The following PAPPA variants were observed in gnomAD, a reference collection of about 807,000 sequenced individuals.
PAPPA encodes pappalysin 1.
A neutral mutation model predicts 164.0 loss-of-function variants in PAPPA; 60 were observed. The ratio of observed to expected loss-of-function variants is 0.37; its 90% confidence interval spans 0.30 to 0.45. The LOEUF (loss-of-function observed/expected upper bound fraction) is 0.45. Among genes scored for constraint, PAPPA ranks in the 20% least tolerant of loss-of-function variants. The pLI is 1.00. For missense variants in PAPPA, 1,782 were observed against 2,087.3 expected (o/e 0.85, Z 2.85); for synonymous variants, 875 against 814.1 (o/e 1.07, Z -1.27).
intron 21 of PAPPA, among the ~76,000 whole-genome samples, chr9:116,387,682 T>TTA (rs1846834143): frequency 6.6e-6 from 1 of 152,174 alleles, no homozygotes; most frequent in African/African-American, 2.4e-5. Context: ...GCCCTAGGCG[T>TTA]TATCTTTTTA....
At chr9:116,341,014 T>TA (rs1364747998) in intron 13 of PAPPA, among the ~76,000 whole-genome samples, 1 of 151,596 alleles carries the variant, frequency 6.6e-6, no homozygotes, top group Non-Finnish European at 1.5e-5. Flanking sequence ...TCTCTTTTTT[T>TA]ATTTTTATTT....
chr9:116,248,433 C>A (rs561822719), intron 7 of PAPPA, among the ~76,000 whole-genome samples: 1 of 152,280 alleles, frequency 6.6e-6, no homozygotes, highest in Non-Finnish European at 1.5e-5. Context: ...TAGCTCTCAC[C>A]TGCACTCAGT....
chr9:116,383,526 G>C (rs972731558), intron 21 of PAPPA, among the ~76,000 whole-genome samples: 9 of 127,174 alleles, frequency 7.1e-5, no homozygotes, highest in Non-Finnish European at 5.4e-5. Flanking sequence ...AGGTGACAAA[G>C]TGAATGATAG....
chr9:116,284,753 C>T (rs1845311856), intron 9 of PAPPA, among the ~76,000 whole-genome samples: 1 of 152,110 alleles, frequency 6.6e-6, no homozygotes, highest in Non-Finnish European at 1.5e-5. Context: ...ACATCCATAA[C>T]TCTTCCCTCT....
intron 10 of PAPPA, among the ~76,000 whole-genome samples, chr9:116,320,142 G>A (rs961321705): frequency 6.6e-6 from 1 of 152,152 alleles, no homozygotes; most frequent in Admixed American, 6.5e-5. Context: ...AGGGCAATAC[G>A]TCTTATATGA....
intron 10 of PAPPA, among the ~76,000 whole-genome samples, chr9:116,330,593 T>TTGTG (rs139019834): frequency 1.3e-5 from 2 of 150,310 alleles, no homozygotes; most frequent in East Asian, 1.9e-4. Flanking sequence ...GAGAATGAAT[T>TTGTG]TGTGTGTGTG....
intron 1 of PAPPA, among the ~76,000 whole-genome samples, chr9:116,166,449 T>C (rs755660023): frequency 1.3e-5 from 2 of 152,172 alleles, no homozygotes; most frequent in Non-Finnish European, 2.9e-5. Flanking sequence ...GTCCTGGCAG[T>C]CATATCTGTT....
chr9:116,229,611 A>G (rs982324817), intron 6 of PAPPA, among the ~76,000 whole-genome samples: 90 of 152,360 alleles, frequency 5.9e-4, no homozygotes, highest in Middle Eastern at 3.4e-3. Flanking sequence ...GATAATGGCC[A>G]GGTGAGGACG....
intron 21 of PAPPA, among the ~76,000 whole-genome samples, chr9:116,386,930 G>A (rs1846822260): frequency 2.0e-5 from 3 of 152,088 alleles, no homozygotes; most frequent in South Asian, 2.1e-4. Flanking sequence ...ATCTTCCACC[G>A]CAGGAAGCCT....
chr9:116,320,786 G>A (rs1282149395), intron 10 of PAPPA, among the ~76,000 whole-genome samples: 1 of 152,066 alleles, frequency 6.6e-6, no homozygotes, highest in Non-Finnish European at 1.5e-5. Context: ...GTTGTGTTGT[G>A]TATCTGTTAA....
At chr9:116,300,198 T>C (rs1043269299) in intron 9 of PAPPA, among the ~76,000 whole-genome samples, 1 of 152,228 alleles carries the variant, frequency 6.6e-6, no homozygotes, top group African/African-American at 2.4e-5. Flanking sequence ...TGGTCACTTA[T>C]AATGAATTGA....
intron 9 of PAPPA, chr9:116,288,731 T>A (rs1398123307): frequency 6.6e-6 from 1 of 152,134 alleles, no homozygotes; most frequent in African/African-American, 2.4e-5. Flanking sequence ...CTGCAGTGTG[T>A]CTCACCAGCT....
intron 9 of PAPPA, among the ~76,000 whole-genome samples, chr9:116,282,316 C>G (rs150252563): frequency 5.3e-5 from 8 of 152,146 alleles, no homozygotes; most frequent in African/African-American, 9.7e-5. Flanking sequence ...GAAAAAATGT[C>G]TATACATGTT....
chr9:116,361,807 C>G lies in PAPPA; in HGVS notation c.4348-785C>G, dbSNP rs76176638. Among the ~76,000 whole-genome samples the G allele has an allele frequency of 6.2e-4, 95 of 152,300 alleles. 1 individual carries two copies. In the East Asian group the frequency reaches 0.013, roughly 20 times the overall value. On this transcript the variant is annotated intron_variant, in intron 17 of 21. Coordinates refer to ENST00000328252, the MANE Select transcript of PAPPA (RefSeq NM_002581.5). Reference sequence around the variant, plus strand: ...CTTCTGCACCCCACAGAGCTGGGCACAGATTGGACACTAACGAATCTTACT... The same window carrying G: ...CTTCTGCACCCCACAGAGCTGGGCAGAGATTGGACACTAACGAATCTTACT...
chr9:116,303,774 G>C (rs1587995057), intron 10 of PAPPA, among the ~76,000 whole-genome samples: 1 of 152,100 alleles, frequency 6.6e-6, no homozygotes, highest in Non-Finnish European at 1.5e-5. Flanking sequence ...TCTTGATTTA[G>C]GTTTAGTCGG....
intron 1 of PAPPA, among the ~76,000 whole-genome samples, chr9:116,173,906 C>T (rs1235016142): frequency 6.6e-6 from 1 of 152,074 alleles, no homozygotes; most frequent in African/African-American, 2.4e-5. Context: ...AAAAGCAGCC[C>T]CTTGTCCTGG....
At chr9:116,357,875 A>C (rs1347127018) in intron 17 of PAPPA, among the ~76,000 whole-genome samples, 1 of 152,208 alleles carries the variant, frequency 6.6e-6, no homozygotes, top group Non-Finnish European at 1.5e-5. Context: ...GCAACTCAGC[A>C]GGAGCAAGAG....
At chr9:116,395,769 C>T (rs1846954445) in intron 21 of PAPPA, among the ~76,000 whole-genome samples, 1 of 152,186 alleles carries the variant, frequency 6.6e-6, no homozygotes, top group South Asian at 2.1e-4. Flanking sequence ...TGCAAAACCA[C>T]CATGCGATCT....
intron 9 of PAPPA, among the ~76,000 whole-genome samples, chr9:116,300,375 T>C (rs554401268): frequency 6.6e-6 from 1 of 152,174 alleles, no homozygotes; most frequent in African/African-American, 2.4e-5. Context: ...CCTACTGGGC[T>C]CAATAAATCC....
Sources: allele counts gnomAD v4.1 joint callset (sites outside exome capture counted in the v4.1 genomes callset), GRCh38; gene constraint gnomAD v4.1.1; transcripts MANE v1.5; gene names NCBI Gene and HGNC (gene_info 2026-07-23, HGNC 2026-07-21).